Variants in KDM4C observed in about 807,000 individuals in gnomAD.
The protein encoded by KDM4C is lysine demethylase 4C.
KDM4C carries 81 observed loss-of-function variants against 129.3 expected under a neutral mutation model. The ratio of observed to expected loss-of-function variants is 0.63; its 90% CI spans 0.52 to 0.75. The LOEUF is 0.75. Ranked by LOEUF, KDM4C falls within the 30% of genes least tolerant of loss-of-function variation. The pLI, the probability that KDM4C is intolerant of heterozygous loss-of-function variation, is 0.00. For synonymous variants in KDM4C, 573 were observed against 456.1 expected (o/e 1.26, Z -3.26); for missense variants, 1,457 against 1,304.0 (o/e 1.12, Z -1.81).
intron 15 of KDM4C, among the ~76,000 whole-genome samples, chr9:7,016,598 G>T (rs186980510): frequency 4.5e-4 from 67 of 150,146 alleles, no homozygotes; most frequent in African/African-American, 1.3e-3. Flanking sequence ...GCTGATTTTT[G>T]TATTTTTAGT....
rs1399060260 is a variant in KDM4C, at chr9:7,175,137, G to A, written c.*408G>A. On this transcript the variant is annotated 3_prime_UTR_variant, in exon 22 of 22. Coordinates refer to ENST00000381309, the MANE Select transcript of KDM4C (RefSeq NM_015061.6). ...CAGGTGGCACCTCGGTACCCAGCGGGTAGGGCGATAATTTATATATTTTCC... is the reference window on the plus strand; with the variant it reads ...CAGGTGGCACCTCGGTACCCAGCGGATAGGGCGATAATTTATATATTTTCC... 6.2e-6 allele frequency: 1 copy of A among 160,222 alleles called. No individual in the cohort carries two copies. Among genetic ancestry groups the A allele is most frequent in the Non-Finnish European group, 1.4e-5 (1 of 72,816 alleles). The allele number at this position is 160,222 out of a possible 1,614,324, so 9.9% of individuals were successfully genotyped here.
At chr9:6,823,815 C>G (rs1261779805) in intron 4 of KDM4C, among the ~76,000 whole-genome samples, 1 of 152,248 alleles carries the variant, frequency 6.6e-6, no homozygotes, top group Admixed American at 6.5e-5. Flanking sequence ...AAGTTAATAT[C>G]TGATGGGCCT....
intron 20 of KDM4C, among the ~76,000 whole-genome samples, chr9:7,166,385 T>C (rs1350757299): frequency 1.3e-5 from 2 of 152,142 alleles, no homozygotes; most frequent in Admixed American, 1.3e-4. Flanking sequence ...AGAGTGTTTT[T>C]CATGGTCTAG....
chr9:6,945,812 T>C (rs2131443699), intron 8 of KDM4C, among the ~76,000 whole-genome samples: 1 of 152,298 alleles, frequency 6.6e-6, no homozygotes. Flanking sequence ...TTATGCAAAA[T>C]GTGTTTTTAA....
intron 17 of KDM4C, among the ~76,000 whole-genome samples, chr9:7,067,156 C>G (rs777445315): frequency 9.2e-5 from 14 of 152,196 alleles, no homozygotes; most frequent in Admixed American, 2.6e-4. Flanking sequence ...TGGGCAATCA[C>G]CATTTAATTT....
chr9:6,995,879 G>A (rs1048085183), intron 12 of KDM4C, among the ~76,000 whole-genome samples: 3 of 139,154 alleles, frequency 2.2e-5, no homozygotes, highest in Non-Finnish European at 3.2e-5. Flanking sequence ...CACTGTGTTA[G>A]CCAGGATGGT....
At chr9:7,054,834 C>T (rs1441258005) in intron 17 of KDM4C, among the ~76,000 whole-genome samples, 1 of 152,142 alleles carries the variant, frequency 6.6e-6, no homozygotes, top group East Asian at 1.9e-4. Context: ...ATCCTAAATG[C>T]AACTATTAGT....
chr9:6,892,744 C>T (rs1846282698), intron 7 of KDM4C, among the ~76,000 whole-genome samples: 2 of 152,046 alleles, frequency 1.3e-5, no homozygotes, highest in Admixed American at 1.3e-4. Flanking sequence ...TATGTAACTC[C>T]AGTAATGCAA....
At chr9:6,939,972 ACCTACCTT>A (rs1339509852) in intron 8 of KDM4C, among the ~76,000 whole-genome samples, 81 of 106,624 alleles carry the variant, frequency 7.6e-4, no homozygotes, top group African/African-American at 2.6e-3. Flanking sequence ...CTACCTACCT[ACCTACCTT>A]CCTTCCTTCC....
chr9:6,738,768 AT>A (rs34872495), intron 1 of KDM4C, among the ~76,000 whole-genome samples: 130 of 139,556 alleles, frequency 9.3e-4, no homozygotes, highest in Admixed American at 8.5e-4. Flanking sequence ...TTTTCTTTTC[AT>A]TTTTTTTTTT....
At chr9:6,940,972 C>T (rs1024559949) in intron 8 of KDM4C, among the ~76,000 whole-genome samples, 2 of 151,744 alleles carry the variant, frequency 1.3e-5, no homozygotes, top group African/African-American at 4.8e-5. Context: ...AATAATGCAA[C>T]CTCAAAATAT....
intron 6 of KDM4C, among the ~76,000 whole-genome samples, chr9:6,884,437 A>AT (rs1350194164): frequency 6.6e-6 from 1 of 152,012 alleles, no homozygotes; most frequent in African/African-American, 2.4e-5. Context: ...CACTGAACCA[A>AT]TTTTCTATAC....
chr9:6,733,723 A>G (rs576197408), intron 1 of KDM4C, among the ~76,000 whole-genome samples: 1 of 152,354 alleles, frequency 6.6e-6, no homozygotes, highest in South Asian at 2.1e-4. Context: ...AAGTAAAGGA[A>G]TAAAAGAATG....
chr9:6,773,787 G>T, intron 1 of KDM4C, among the ~76,000 whole-genome samples: 1 of 145,368 alleles, frequency 6.9e-6, no homozygotes, highest in East Asian at 2.0e-4. Context: ...AAAAAAAAAA[G>T]TATAGGTATT....
rs116434657 is a variant in KDM4C at position 6,751,886 on chromosome 9, T to A, written c.49+30889T>A. 5.8e-3 allele frequency among the ~76,000 whole-genome samples: 888 copies of A among 152,178 alleles called. 6 individuals carry two copies. The highest frequency in any genetic ancestry group is 0.019 in the African/African-American group (795 of 41,518). ...AAGGGAAATATTAAAATCAGTGAATTTGATAAATTTGAGGTAAACTACAGA... is the reference window on the plus strand; with the variant it reads ...AAGGGAAATATTAAAATCAGTGAATATGATAAATTTGAGGTAAACTACAGA... On this transcript the variant is annotated intron_variant, in intron 1 of 17. Transcript: ENST00000536108.
chr9:6,723,209 A>G (rs1817014286), intron 1 of KDM4C, among the ~76,000 whole-genome samples: 2 of 152,104 alleles, frequency 1.3e-5, no homozygotes, highest in South Asian at 4.2e-4. Context: ...CCCCGTCTCT[A>G]CTAAAAATAC....
intron 8 of KDM4C, among the ~76,000 whole-genome samples, chr9:6,960,844 A>G (rs1233590122): frequency 1.6e-5 from 2 of 121,658 alleles, no homozygotes; most frequent in Non-Finnish European, 3.3e-5. Context: ...GCATTCTCAA[A>G]TATCCCCTAG....
intron 12 of KDM4C, among the ~76,000 whole-genome samples, chr9:7,003,178 A>G (rs569874824): frequency 6.6e-6 from 1 of 152,274 alleles, no homozygotes; most frequent in African/African-American, 2.4e-5. Flanking sequence ...CTCTTTCAAC[A>G]CTAACAACCT....
intron 1 of KDM4C, among the ~76,000 whole-genome samples, chr9:6,763,632 GTGTTACCAT>G (rs1484816385): frequency 2.0e-5 from 3 of 152,164 alleles, no homozygotes; most frequent in African/African-American, 7.2e-5. Context: ...CTATGAATCA[GTGTTACCAT>G]TGTGAAGAGG....
Sources: allele counts gnomAD v4.1 joint callset (sites outside exome capture counted in the v4.1 genomes callset), GRCh38; gene constraint gnomAD v4.1.1; transcripts MANE v1.5; gene names NCBI Gene and HGNC (gene_info 2026-07-23, HGNC 2026-07-21).